Variants in TNFSF4 observed in about 807,000 individuals in gnomAD.
TNFSF4 encodes TNF superfamily member 4.
Under a neutral mutation model 7.3 loss-of-function variants are expected in TNFSF4, and 4 were observed. That is an observed-to-expected ratio of 0.55 (90% CI 0.27 to 1.25). The LOEUF is 1.25. Ranked by LOEUF, TNFSF4 falls within the 50% of genes most tolerant of loss-of-function variation. The probability of loss-of-function intolerance (pLI) is 0.12; values close to 1 mark genes in which losing one functional copy is unlikely to be tolerated. For missense variants in TNFSF4, 181 were observed against 208.8 expected (o/e 0.87, Z 0.82); for synonymous variants, 76 against 83.7 (o/e 0.91, Z 0.50).
At chr1:173,285,846 G>A in the TNFSF4 span, among the ~76,000 whole-genome samples, 1 of 152,140 alleles carries the variant, frequency 6.6e-6, no homozygotes. Context: ...AAATGCATGT[G>A]ACTGTCCTTG....
the TNFSF4 span, among the ~76,000 whole-genome samples, chr1:173,419,357 A>T: frequency 6.6e-6 from 1 of 151,680 alleles, no homozygotes; most frequent in Non-Finnish European, 1.5e-5. Flanking sequence ...AAAAAAAAAA[A>T]AAGAAGAGTT....
At chr1:173,442,407 T>C in the TNFSF4 span, among the ~76,000 whole-genome samples, 1 of 152,046 alleles carries the variant, frequency 6.6e-6, no homozygotes, top group Non-Finnish European at 1.5e-5. Flanking sequence ...ATGCAACACC[T>C]CTCCCACATA....
the TNFSF4 span, among the ~76,000 whole-genome samples, chr1:173,177,545 T>G: frequency 1.3e-5 from 2 of 152,184 alleles, no homozygotes; most frequent in African/African-American, 4.8e-5. Flanking sequence ...ACACACAATT[T>G]ACCTATATAA....
the TNFSF4 span, among the ~76,000 whole-genome samples, chr1:173,308,285 C>CTCTCTCTGTG: frequency 5.6e-4 from 75 of 135,112 alleles, no homozygotes; most frequent in South Asian, 1.2e-3. Context: ...CTCTCTCTCT[C>CTCTCTCTGTG]TGTGTGTGTG....
the TNFSF4 span, among the ~76,000 whole-genome samples, chr1:173,253,301 A>T: frequency 6.6e-6 from 1 of 152,230 alleles, no homozygotes; most frequent in Admixed American, 6.5e-5. Context: ...ATCCTCAAAC[A>T]TAAGTGAACG....
the TNFSF4 span, among the ~76,000 whole-genome samples, chr1:173,398,092 T>C: frequency 1.5e-4 from 23 of 152,300 alleles, 1 homozygote; most frequent in African/African-American, 5.5e-4. Flanking sequence ...ACAAAACCAG[T>C]TTGCTTTATT....
At chr1:173,209,256 C>T (rs1469074852), upstream of TNFSF4, among the ~76,000 whole-genome samples, 3 of 152,150 alleles carry the variant, frequency 2.0e-5, no homozygotes, top group Non-Finnish European at 4.4e-5. Flanking sequence ...AAGAGATACA[C>T]ACACACCAGG....
downstream of TNFSF4, among the ~76,000 whole-genome samples, chr1:173,180,801 T>C (rs183179816): frequency 6.6e-6 from 1 of 152,196 alleles, no homozygotes; most frequent in South Asian, 2.1e-4. Flanking sequence ...TTGAAGTGCA[T>C]CTAGGTAATG....
the TNFSF4 span, among the ~76,000 whole-genome samples, chr1:173,271,855 C>T: frequency 1.2e-3 from 189 of 152,196 alleles, 4 homozygotes; most frequent in East Asian, 0.034. Flanking sequence ...TGGGTATATA[C>T]CCAAAGGATT....
chr1:173,359,114 A>G, the TNFSF4 span, among the ~76,000 whole-genome samples: 1 of 152,328 alleles, frequency 6.6e-6, no homozygotes, highest in Non-Finnish European at 1.5e-5. Context: ...GTTTAACTTT[A>G]TCTTGTGCAG....
the TNFSF4 span, among the ~76,000 whole-genome samples, chr1:173,308,267 TTC>T: frequency 1.7e-3 from 229 of 132,952 alleles, 1 homozygote; most frequent in Middle Eastern, 7.3e-3. Context: ...CTCTCTCTCT[TTC>T]TCTCTCTCTC....
chr1:173,342,330 T>A, the TNFSF4 span, among the ~76,000 whole-genome samples: 6 of 152,158 alleles, frequency 3.9e-5, no homozygotes, highest in Non-Finnish European at 7.4e-5. Flanking sequence ...ATTTTATATA[T>A]GTTGATGATT....
chr1:173,252,514 A>C, the TNFSF4 span, among the ~76,000 whole-genome samples: 1 of 152,086 alleles, frequency 6.6e-6, no homozygotes, highest in Non-Finnish European at 1.5e-5. Flanking sequence ...GCAATACTAG[A>C]TATTAAATGG....
chr1:173,239,484 T>A, the TNFSF4 span, among the ~76,000 whole-genome samples: 2 of 152,332 alleles, frequency 1.3e-5, no homozygotes, highest in South Asian at 4.2e-4. Context: ...CTGATATTTA[T>A]GAAAAGTTTT....
chr1:173,409,247 C>G, the TNFSF4 span, among the ~76,000 whole-genome samples: 1 of 152,188 alleles, frequency 6.6e-6, no homozygotes, highest in Non-Finnish European at 1.5e-5. Context: ...CTCCCCTACT[C>G]TGAGAGGGTC....
At chr1:173,377,899 G>T in the TNFSF4 span, among the ~76,000 whole-genome samples, 3 of 152,148 alleles carry the variant, frequency 2.0e-5, no homozygotes, top group African/African-American at 7.2e-5. Context: ...CTCCCTCAGG[G>T]TACGGCCCTC....
At chr1:173,223,013 C>T in the TNFSF4 span, among the ~76,000 whole-genome samples, 1 of 152,158 alleles carries the variant, frequency 6.6e-6, no homozygotes, top group African/African-American at 2.4e-5. Context: ...GGGAGACAGT[C>T]TAATGTAATG....
At chr1:173,398,110 G>A in the TNFSF4 span, among the ~76,000 whole-genome samples, 1 of 152,162 alleles carries the variant, frequency 6.6e-6, no homozygotes, top group Non-Finnish European at 1.5e-5. Context: ...ATTAAGGCAA[G>A]GTCATCAGTA....
At chr1:173,217,044 C>T in the TNFSF4 span, among the ~76,000 whole-genome samples, 1 of 152,098 alleles carries the variant, frequency 6.6e-6, no homozygotes, top group African/African-American at 2.4e-5. Flanking sequence ...AGTGTTCAAC[C>T]CTGTTTCTTA....
Sources: allele counts gnomAD v4.1 joint callset (sites outside exome capture counted in the v4.1 genomes callset), GRCh38; gene constraint gnomAD v4.1.1; transcripts MANE v1.5; gene names NCBI Gene and HGNC (gene_info 2026-07-23, HGNC 2026-07-21).